CDK15: variants seen among roughly 807,000 people sequenced by gnomAD.
The protein encoded by CDK15 is cyclin dependent kinase 15.
Under a neutral mutation model 60.3 loss-of-function variants are expected in CDK15, and 62 were observed. The observed-to-expected ratio is 1.03, with a 90% CI of 0.84 to 1.27. The LOEUF is 1.27. CDK15 is among the 50% of genes most tolerant of loss of function. CDK15 has a pLI of 0.00. For synonymous variants in CDK15, 194 were observed against 195.7 expected (o/e 0.99, Z 0.07); for missense variants, 541 against 527.8 (o/e 1.03, Z -0.25).
chr2:201,827,398 T>C (rs769373486), intron 6 of CDK15, among the ~76,000 whole-genome samples: 1 of 152,102 alleles, frequency 6.6e-6, no homozygotes, highest in Non-Finnish European at 1.5e-5. Context: ...TGAGCCATGA[T>C]CACACAACTG....
At chr2:201,813,572 A>G (rs1695865884) in intron 4 of CDK15, among the ~76,000 whole-genome samples, 1 of 152,198 alleles carries the variant, frequency 6.6e-6, no homozygotes, top group South Asian at 2.1e-4. Flanking sequence ...AGAGAAACCC[A>G]TGTCTTTGTT....
intron 9 of CDK15, among the ~76,000 whole-genome samples, chr2:201,852,746 A>T (rs966492779): frequency 1.3e-5 from 2 of 152,228 alleles, no homozygotes; most frequent in African/African-American, 4.8e-5. Flanking sequence ...GAGATTTAGT[A>T]ATTTTCTCAA....
At chr2:201,845,843 AAAAGAGAG>A (rs1193894511) in intron 8 of CDK15, among the ~76,000 whole-genome samples, 10 of 146,568 alleles carry the variant, frequency 6.8e-5, no homozygotes, top group African/African-American at 9.9e-5. Flanking sequence ...TTAAAAAAAA[AAAAGAGAG>A]AGAGAGAGAG....
chr2:201,811,522 G>GA (rs1400465172), intron 3 of CDK15, among the ~76,000 whole-genome samples: 1 of 151,996 alleles, frequency 6.6e-6, no homozygotes, highest in African/African-American at 2.4e-5. Context: ...TTACATGGAG[G>GA]AAAAAAGGTT....
chr2:201,830,779 G>T (rs1319097032), intron 6 of CDK15, among the ~76,000 whole-genome samples: 1 of 152,196 alleles, frequency 6.6e-6, no homozygotes, highest in African/African-American at 2.4e-5. Flanking sequence ...AGGGACAGGG[G>T]TTTTTACTTA....
intron 9 of CDK15, among the ~76,000 whole-genome samples, chr2:201,853,554 C>T (rs1453830430): frequency 6.6e-6 from 1 of 152,060 alleles, no homozygotes; most frequent in East Asian, 1.9e-4. Flanking sequence ...CAGATGGATT[C>T]GCTAGACTCT....
rs1401135209 is a variant in CDK15, at chr2:201,880,102, C to A, written c.1133C>A (p.Ala378Asp). The change falls in exon 12 of 14, where the codon GCC becomes GAC. Residue 378 changes from alanine (A) to aspartate (D), a missense_variant. Ala to Asp is a moderately radical substitution (Grantham distance 126, BLOSUM62 -2). Transcript: ENST00000652192. ...GGCTTTCCCAGAGACCGCGTCTCCG[C>A]CCAGGAAGCACTTGTTCATGATTAT... ...LKGFPRDRVS[A>D]QEALVHDYFS... is the part of the protein sequence containing the mutation. The A allele has an allele frequency of 2.5e-6, 4 of 1,614,110 alleles. No individual in the cohort carries two copies.
intron 10 of CDK15, among the ~76,000 whole-genome samples, chr2:201,867,139 G>A (rs893326969): frequency 6.6e-6 from 1 of 152,136 alleles, no homozygotes; most frequent in Non-Finnish European, 1.5e-5. Flanking sequence ...GTCAGACACT[G>A]TGTTCTGCAA....
At chr2:201,840,584 C>T (rs1470617173) in intron 8 of CDK15, among the ~76,000 whole-genome samples, 1 of 152,014 alleles carries the variant, frequency 6.6e-6, no homozygotes, top group Non-Finnish European at 1.5e-5. Flanking sequence ...TGTGTGTAGG[C>T]CTGCTGGTGG....
intron 4 of CDK15, among the ~76,000 whole-genome samples, chr2:201,820,328 T>A (rs576316817): frequency 6.6e-6 from 1 of 152,198 alleles, no homozygotes; most frequent in East Asian, 1.9e-4. Context: ...AAACAAGATT[T>A]TAAGACTGAA....
intron 11 of CDK15, among the ~76,000 whole-genome samples, chr2:201,877,170 C>G (rs1396351928): frequency 6.6e-6 from 1 of 152,130 alleles, no homozygotes; most frequent in Non-Finnish European, 1.5e-5. Flanking sequence ...CTTGGCTTCC[C>G]CAGACACTCT....
At chr2:201,871,667 T>G (rs572695294) in intron 10 of CDK15, among the ~76,000 whole-genome samples, 4 of 152,292 alleles carry the variant, frequency 2.6e-5, no homozygotes, top group Admixed American at 2.6e-4. Context: ...ACTGAATATG[T>G]TGACTGTATT....
At chr2:201,862,909 C>T (rs1698452733) in intron 10 of CDK15, among the ~76,000 whole-genome samples, 2 of 152,172 alleles carry the variant, frequency 1.3e-5, no homozygotes, top group Admixed American at 1.3e-4. Context: ...GTCTTTCCAC[C>T]CAGACGTGAT....
At chr2:201,872,460 C>G in intron 11 of CDK15, 134 bp downstream of exon 11, 4 of 873,906 alleles carry the variant, frequency 4.6e-6, no homozygotes, top group Non-Finnish European at 7.5e-6. Context: ...TAGGAAGATG[C>G]CTCTGGAAGC....
chr2:201,833,213 G>GGC (rs1693506748), intron 6 of CDK15, among the ~76,000 whole-genome samples: 1 of 145,698 alleles, frequency 6.9e-6, no homozygotes, highest in African/African-American at 2.5e-5. Flanking sequence ...TTTTTTTGAG[G>GGC]GGGGGGGTCT....
At chr2:201,892,274 A>G (rs1699664023) in intron 13 of CDK15, among the ~76,000 whole-genome samples, 1 of 152,222 alleles carries the variant, frequency 6.6e-6, no homozygotes, top group Admixed American at 6.5e-5. Flanking sequence ...AGTTATAAGG[A>G]CAGAATGAAC....
chr2:201,840,461 G>A (rs1007465651), intron 8 of CDK15, among the ~76,000 whole-genome samples: 1 of 151,904 alleles, frequency 6.6e-6, no homozygotes, highest in African/African-American at 2.4e-5. Context: ...TTTCACTAAG[G>A]GCAAATAAAT....
At chr2:201,875,149 C>A (rs1379282910) in intron 11 of CDK15, among the ~76,000 whole-genome samples, 1 of 152,158 alleles carries the variant, frequency 6.6e-6, no homozygotes, top group Non-Finnish European at 1.5e-5. Flanking sequence ...GTTTGTGTTT[C>A]TATTCTGGAC....
intron 12 of CDK15, among the ~76,000 whole-genome samples, chr2:201,885,963 G>A (rs561932212): frequency 1.2e-4 from 19 of 152,276 alleles, no homozygotes; most frequent in Admixed American, 4.6e-4. Flanking sequence ...GAAAGTTGTA[G>A]AGCCAAGATT....
Sources: gnomAD v4.1 joint callset for allele counts (sites outside exome capture counted in the v4.1 genomes callset) on GRCh38, gnomAD v4.1.1 for gene constraint, MANE v1.5 for transcripts, NCBI Gene and HGNC (gene_info 2026-07-23, HGNC 2026-07-21) for gene names.